Variants in MYO1B observed in about 807,000 individuals in gnomAD.
The protein encoded by MYO1B is unconventional myosin-Ib.
Under a neutral mutation model 159.7 loss-of-function variants are expected in MYO1B, and 72 were observed. That is an observed-to-expected ratio of 0.45 (90% confidence interval 0.37 to 0.55). MYO1B has a LOEUF of 0.55. Among genes scored for constraint, MYO1B ranks in the 20% least tolerant of loss-of-function variants. The pLI is 0.00. For synonymous variants in MYO1B, 468 were observed against 473.8 expected (o/e 0.99, Z 0.16); for missense variants, 1,062 against 1,364.8 (o/e 0.78, Z 3.50).
chr2:191,368,135 G>A (rs1046183843), intron 11 of MYO1B, among the ~76,000 whole-genome samples: 15 of 152,204 alleles, frequency 9.9e-5, no homozygotes, highest in African/African-American at 3.6e-4. Flanking sequence ...ATCTTCAGCT[G>A]TGTTATGTTG....
In MYO1B at chr2:191,396,389, T is replaced by C. The variant is rs557277848; in HGVS notation, c.2227-40T>C. The stretch of plus-strand genomic sequence containing the variant: ...TCAATCCTTGTATGCGTTACAGATA[T>C]TAACTACAACTGCCAATATCTTCCC... On this transcript the variant is annotated intron_variant, in intron 20 of 30. Coordinates refer to ENST00000392318, the MANE Select transcript of MYO1B (RefSeq NM_001130158.3). The C allele has an allele frequency of 8.1e-6, 13 of 1,598,726 alleles. No individual in the cohort carries two copies. In the African/African-American group the frequency reaches 1.5e-4, roughly 18 times the overall value.
At chr2:191,268,829 G>C (rs1687293145) in intron 1 of MYO1B, among the ~76,000 whole-genome samples, 1 of 152,128 alleles carries the variant, frequency 6.6e-6, no homozygotes, top group African/African-American at 2.4e-5. Context: ...AGCTTTGTTT[G>C]GGCTGGTGTA....
In MYO1B at chr2:191,362,388, T is replaced by C; in HGVS notation, c.765+17T>C. 1.9e-6 allele frequency: 3 copies of C among 1,596,776 alleles called. No homozygotes were observed. Among genetic ancestry groups the C allele is most frequent in the Non-Finnish European group, 2.6e-6 (3 of 1,165,564 alleles). On this transcript the variant is annotated intron_variant, in intron 9 of 30. Transcript: ENST00000392318. ...ACCGTGCGGGTAAGATGTAGTACTT[T>C]CATCAAGCTTTAAATTGCATACCAC...
intron 28 of MYO1B, 141 bp from the exon 29 acceptor site, chr2:191,414,376 A>G (rs766703687): frequency 1.1e-4 from 112 of 1,032,556 alleles, no homozygotes; most frequent in Non-Finnish European, 1.4e-4. Context: ...CATATTATTT[A>G]TGTTCTTTAC....
chr2:191,261,278 A>AAATT (rs1686795286), intron 1 of MYO1B, among the ~76,000 whole-genome samples: 1 of 152,238 alleles, frequency 6.6e-6, no homozygotes, highest in African/African-American at 2.4e-5. Context: ...GTTTCTATGA[A>AAATT]AATTCATTTG....
At chr2:191,281,820 CT>C (rs775631496) in intron 2 of MYO1B, among the ~76,000 whole-genome samples, 64 of 152,152 alleles carry the variant, frequency 4.2e-4, no homozygotes, top group Non-Finnish European at 1.0e-4. Flanking sequence ...AGTTTGTTTT[CT>C]ATCTGAATTG....
intron 11 of MYO1B, among the ~76,000 whole-genome samples, chr2:191,365,694 ACAAT>A (rs1693964458): frequency 1.3e-5 from 2 of 152,236 alleles, no homozygotes; most frequent in Non-Finnish European, 2.9e-5. Context: ...CCCCATGGAA[ACAAT>A]CAAAGGATTT....
At chr2:191,284,898 T>C (rs1416119996) in intron 2 of MYO1B, among the ~76,000 whole-genome samples, 3 of 152,176 alleles carry the variant, frequency 2.0e-5, no homozygotes, top group Non-Finnish European at 4.4e-5. Flanking sequence ...CCTCCGAAAG[T>C]GCTGGGATTA....
chr2:191,362,604 A>T (rs1693742562), intron 9 of MYO1B, among the ~76,000 whole-genome samples: 1 of 152,126 alleles, frequency 6.6e-6, no homozygotes, highest in African/African-American at 2.4e-5. Context: ...TATCATAAGG[A>T]GCTTTCTTAT....
At chr2:191,365,969 A>C (rs1054045883) in intron 11 of MYO1B, among the ~76,000 whole-genome samples, 76 of 152,282 alleles carry the variant, frequency 5.0e-4, no homozygotes, top group African/African-American at 1.8e-3. Flanking sequence ...CCTCACCCCC[A>C]GTGTTTGATT....
chr2:191,315,695 G>A (rs2125876705), intron 3 of MYO1B, among the ~76,000 whole-genome samples: 1 of 152,360 alleles, frequency 6.6e-6, no homozygotes, highest in Non-Finnish European at 1.5e-5. Context: ...TGTGAAGGGT[G>A]TCATCATGAC....
intron 3 of MYO1B, among the ~76,000 whole-genome samples, chr2:191,299,652 G>A (rs1483453362): frequency 5.9e-5 from 9 of 152,316 alleles, no homozygotes; most frequent in African/African-American, 2.2e-4. Context: ...ATTTGTCTAA[G>A]AATTTGATGA....
intron 30 of MYO1B, among the ~76,000 whole-genome samples, chr2:191,418,907 G>T (rs1697753578): frequency 6.6e-6 from 1 of 152,204 alleles, no homozygotes; most frequent in Non-Finnish European, 1.5e-5. Flanking sequence ...TAACTAGATT[G>T]CATTTTAAGG....
chr2:191,344,526 A>G (rs910218237), intron 5 of MYO1B, among the ~76,000 whole-genome samples: 16 of 152,150 alleles, frequency 1.1e-4, no homozygotes, highest in African/African-American at 3.9e-4. Flanking sequence ...TTGGGCAACT[A>G]TCTTTTTAAG....
At chr2:191,385,791 C>A in intron 15 of MYO1B, 93 bp from the exon 16 acceptor site, 2 of 1,312,564 alleles carry the variant, frequency 1.5e-6, no homozygotes, top group Non-Finnish European at 2.1e-6. Context: ...TTTCTTGTGA[C>A]TAAGTTGATT....
intron 3 of MYO1B, among the ~76,000 whole-genome samples, chr2:191,326,074 T>C (rs4613316): frequency 0.47 from 71,306 of 151,998 alleles, 17,761 homozygotes; most frequent in African/African-American, 0.65. Context: ...GGACTAAAAC[T>C]GTGTTTACTC....
rs535060075 is a variant in MYO1B, at chr2:191,254,279, C to T, written c.-10+8653C>T. Among the ~76,000 whole-genome samples, 329 of 152,238 alleles carry T rather than the reference C, an allele frequency of 2.2e-3. 4 individuals carry two copies. Among genetic ancestry groups the T allele is most frequent in the Middle Eastern group, 0.01 (3 of 294 alleles). The stretch of plus-strand genomic sequence containing the variant: ...CCAGGCTGGAGTGCAGTGGCATAAT[C>T]TTGGCTCACTGCAACCTCCACCTCC... On this transcript the variant is annotated intron_variant, in intron 1 of 30. Coordinates refer to ENST00000392318, the MANE Select transcript of MYO1B (RefSeq NM_001130158.3).
chr2:191,305,872 G>C (rs542834472), intron 3 of MYO1B, among the ~76,000 whole-genome samples: 1 of 152,198 alleles, frequency 6.6e-6, no homozygotes, highest in African/African-American at 2.4e-5. Context: ...TGAGTTTGCC[G>C]CATGGATAAA....
chr2:191,295,390 A>G (rs1405089189), intron 2 of MYO1B, among the ~76,000 whole-genome samples: 2 of 152,238 alleles, frequency 1.3e-5, no homozygotes, highest in African/African-American at 4.8e-5. Context: ...TACATGCTAA[A>G]ATATAGCACT....
Sources: allele counts gnomAD v4.1 joint callset (sites outside exome capture counted in the v4.1 genomes callset), GRCh38; gene constraint gnomAD v4.1.1; transcripts MANE v1.5; gene names NCBI Gene and HGNC (gene_info 2026-07-23, HGNC 2026-07-21).